Variants in AUTS2 observed in about 807,000 individuals in gnomAD.
AUTS2 encodes activator of transcription and developmental regulator AUTS2.
AUTS2 carries 17 observed loss-of-function variants against 112.4 expected under a neutral mutation model. The ratio of observed to expected loss-of-function variants is 0.15; its 90% CI spans 0.10 to 0.23. The LOEUF (loss-of-function observed/expected upper bound fraction) is 0.23, where lower values mean the gene tolerates loss of function less well. Among genes scored for constraint, AUTS2 ranks in the 10% least tolerant of loss-of-function variants. AUTS2 has a pLI of 1.00. For synonymous variants in AUTS2, 751 were observed against 702.7 expected (o/e 1.07, Z -1.09); for missense variants, 1,510 against 1,701.6 (o/e 0.89, Z 1.98).
intron 5 of AUTS2, among the ~76,000 whole-genome samples, chr7:70,476,303 A>G (rs1797580031): frequency 6.6e-6 from 1 of 152,042 alleles, no homozygotes; most frequent in Non-Finnish European, 1.5e-5. Flanking sequence ...CCCTCACGTG[A>G]GGCTCACCCT....
chr7:70,294,327 G>T (rs960414284), intron 4 of AUTS2: 7 of 152,152 alleles, frequency 4.6e-5, no homozygotes, highest in African/African-American at 1.7e-4. Flanking sequence ...CTCATATTCT[G>T]TAACTGTACA....
At chr7:69,805,231 A>T (rs1790248867) in intron 1 of AUTS2, among the ~76,000 whole-genome samples, 1 of 152,206 alleles carries the variant, frequency 6.6e-6, no homozygotes, top group Non-Finnish European at 1.5e-5. Context: ...CAAGGCTTTT[A>T]AAATACACCA....
intron 5 of AUTS2, among the ~76,000 whole-genome samples, chr7:70,580,985 C>T (rs1472530885): frequency 6.6e-6 from 1 of 152,160 alleles, no homozygotes; most frequent in Non-Finnish European, 1.5e-5. Flanking sequence ...TGGCCCATAC[C>T]TGTAATCCCA....
intron 5 of AUTS2, among the ~76,000 whole-genome samples, chr7:70,669,327 C>T (rs1193714045): frequency 1.3e-5 from 2 of 152,274 alleles, no homozygotes; most frequent in East Asian, 3.9e-4. Context: ...GGAACAGAAC[C>T]CTGATTTTAA....
intron 1 of AUTS2, among the ~76,000 whole-genome samples, chr7:69,787,576 G>T (rs193119888): frequency 3.9e-5 from 6 of 152,254 alleles, no homozygotes; most frequent in Admixed American, 2.0e-4. Context: ...TTGACACAGA[G>T]TCTCACTCTG....
intron 5 of AUTS2, among the ~76,000 whole-genome samples, chr7:70,441,403 A>G (rs527279235): frequency 6.4e-4 from 97 of 152,086 alleles, no homozygotes; most frequent in African/African-American, 2.2e-3. Context: ...TTTTTTGTTT[A>G]GAGACAGGGT....
chr7:69,816,213 A>G (rs1790755251), intron 1 of AUTS2, among the ~76,000 whole-genome samples: 1 of 152,218 alleles, frequency 6.6e-6, no homozygotes, highest in East Asian at 1.9e-4. Context: ...AACCTTTCTG[A>G]CATCTCAAAG....
At chr7:70,109,485 T>C (rs1804955070) in intron 2 of AUTS2, among the ~76,000 whole-genome samples, 1 of 152,246 alleles carries the variant, frequency 6.6e-6, no homozygotes, top group African/African-American at 2.4e-5. Flanking sequence ...TACATTTCTA[T>C]TCTTGTACAT....
intron 2 of AUTS2, among the ~76,000 whole-genome samples, chr7:70,010,334 T>A (rs1799740290): frequency 6.6e-6 from 1 of 152,118 alleles, no homozygotes; most frequent in East Asian, 1.9e-4. Context: ...TGGTAGAGAC[T>A]GGGGTCTCAC....
At chr7:70,450,579 A>T (rs765630638) in intron 5 of AUTS2, among the ~76,000 whole-genome samples, 2 of 152,202 alleles carry the variant, frequency 1.3e-5, no homozygotes, top group Admixed American at 6.5e-5. Flanking sequence ...ATGTTGGTAT[A>T]CACAGTTCCA....
chr7:70,220,273 A>G (rs1021213518), intron 4 of AUTS2, among the ~76,000 whole-genome samples: 2 of 152,202 alleles, frequency 1.3e-5, no homozygotes, highest in African/African-American at 4.8e-5. Flanking sequence ...TATAAAAGCC[A>G]TTCTTAGCTC....
At chr7:69,998,376 C>T (rs1344435960) in intron 2 of AUTS2, among the ~76,000 whole-genome samples, 1 of 152,094 alleles carries the variant, frequency 6.6e-6, no homozygotes, top group East Asian at 1.9e-4. Context: ...AAAAAATCAT[C>T]TGTAATTCTA....
chr7:70,246,950 A>AT (rs1234829258), intron 4 of AUTS2, among the ~76,000 whole-genome samples: 5 of 150,832 alleles, frequency 3.3e-5, no homozygotes, highest in East Asian at 1.9e-4. Context: ...CAGGTACTTG[A>AT]TTTTTTTTGG....
intron 1 of AUTS2, among the ~76,000 whole-genome samples, chr7:69,747,006 C>T (rs867198004): frequency 8.5e-5 from 13 of 152,248 alleles, no homozygotes; most frequent in Non-Finnish European, 1.3e-4. Context: ...GTTTGAGTGT[C>T]GGAAAGATCG....
chr7:70,280,553 C>T (rs1158792386), intron 4 of AUTS2, among the ~76,000 whole-genome samples: 2 of 151,178 alleles, frequency 1.3e-5, no homozygotes, highest in Non-Finnish European at 2.9e-5. Context: ...GCCTCGGCCT[C>T]GTAAAGTGCT....
intron 2 of AUTS2, among the ~76,000 whole-genome samples, chr7:69,954,765 C>A (rs1256774516): frequency 1.3e-5 from 2 of 152,198 alleles, no homozygotes; most frequent in Non-Finnish European, 2.9e-5. Flanking sequence ...GAACCTTTAT[C>A]TTTGGGGCTA....
intron 1 of AUTS2, among the ~76,000 whole-genome samples, chr7:69,716,240 GTGTC>G (rs1562832055): frequency 1.3e-5 from 2 of 151,878 alleles, no homozygotes; most frequent in African/African-American, 4.8e-5. Flanking sequence ...TTGTGTGTGT[GTGTC>G]TGTGTGTGTG....
chr7:69,838,849 T>A (rs1791842381), intron 1 of AUTS2, among the ~76,000 whole-genome samples: 1 of 152,162 alleles, frequency 6.6e-6, no homozygotes, highest in Non-Finnish European at 1.5e-5. Context: ...TTATTTTATT[T>A]ATTTTAATTT....
intron 4 of AUTS2, among the ~76,000 whole-genome samples, chr7:70,184,766 T>C (rs538270821): frequency 6.6e-6 from 1 of 152,304 alleles, no homozygotes; most frequent in East Asian, 1.9e-4. Flanking sequence ...CTTCTTTGTC[T>C]TTTGGAAGTT....
Sources: gnomAD v4.1 joint callset for allele counts (sites outside exome capture counted in the v4.1 genomes callset) on GRCh38, gnomAD v4.1.1 for gene constraint, MANE v1.5 for transcripts, NCBI Gene and HGNC (gene_info 2026-07-23, HGNC 2026-07-21) for gene names.